MPHOSPH6: variants seen among roughly 807,000 people sequenced by gnomAD.
The protein encoded by MPHOSPH6 is M-phase phosphoprotein 6.
A neutral mutation model predicts 21.8 loss-of-function variants in MPHOSPH6; 25 were observed. The ratio of observed to expected loss-of-function variants is 1.15; its 90% confidence interval spans 0.83 to 1.60. The LOEUF (loss-of-function observed/expected upper bound fraction) is 1.60, where lower values mean the gene tolerates loss of function less well. MPHOSPH6 is among the 40% of genes most tolerant of loss of function. The probability of loss-of-function intolerance (pLI) is 0.00; values close to 1 mark genes in which losing one functional copy is unlikely to be tolerated. For missense variants in MPHOSPH6, 269 were observed against 181.8 expected, an observed-to-expected ratio of 1.48 and a Z score of -2.76; for synonymous variants, 84 against 56.5, an observed-to-expected ratio of 1.49 and a Z score of -2.18.
At position 82,159,570 on chromosome 16, in the gene MPHOSPH6, A is replaced by C. The variant is rs943236908; in HGVS notation, c.164+4512T>G. ...CAGGCACACGCCATCATGCCTGGCT[A>C]ATTTTTTTTGTATTTTTAGTAGAGA... On this transcript the variant is annotated intron_variant, in intron 2 of 4. Coordinates refer to ENST00000258169, the MANE Select transcript of MPHOSPH6 (RefSeq NM_005792.2). 2.6e-5 allele frequency among the ~76,000 whole-genome samples: 4 copies of C among 152,134 alleles called. No individual in the cohort carries two copies. The East Asian group carries it at 7.8e-4, about 29-fold the overall frequency.
intron 2 of MPHOSPH6, among the ~76,000 whole-genome samples, chr16:82,152,172 C>G (rs774095135): frequency 3.3e-5 from 5 of 152,294 alleles, no homozygotes; most frequent in African/African-American, 9.6e-5. Context: ...TTCTTGAACA[C>G]AGGTCTGAGC....
intron 2 of MPHOSPH6, among the ~76,000 whole-genome samples, chr16:82,158,087 T>A (rs1906486978): frequency 6.6e-6 from 1 of 152,158 alleles, no homozygotes; most frequent in Non-Finnish European, 1.5e-5. Flanking sequence ...AAAATGCCAG[T>A]TTCACATTAG....
intron 2 of MPHOSPH6, among the ~76,000 whole-genome samples, chr16:82,160,668 G>T (rs1906578876): frequency 6.6e-6 from 1 of 152,064 alleles, no homozygotes; most frequent in South Asian, 2.1e-4. Context: ...AAATCCACTG[G>T]GTGCACAGCA....
rs1567613220 is a variant in MPHOSPH6 at position 82,156,245 on chromosome 16, GATGT to G, written c.165-4735_165-4732del. ...AACATAAATAACTCCTACATGCACA[GATGT>G]ATGTAAGTTTTGTCTCAAAAAAACC... is the stretch of plus-strand genomic sequence containing the variant. On this transcript the variant is annotated intron_variant, in intron 2 of 4. Transcript: ENST00000258169. Among the ~76,000 whole-genome samples, 4 of 152,202 alleles carry G rather than the reference GATGT, an allele frequency of 2.6e-5. No individual in the cohort carries two copies. In the East Asian group the frequency reaches 7.7e-4, roughly 29 times the overall value.
At chr16:82,159,826 T>G (rs1417689182) in intron 2 of MPHOSPH6, among the ~76,000 whole-genome samples, 3 of 152,144 alleles carry the variant, frequency 2.0e-5, no homozygotes, top group Non-Finnish European at 4.4e-5. Context: ...CTCACTTACT[T>G]CAGAACCGCC....
At chr16:82,150,578 C>T (rs1462240238) in intron 3 of MPHOSPH6, among the ~76,000 whole-genome samples, 1 of 152,208 alleles carries the variant, frequency 6.6e-6, no homozygotes, top group Non-Finnish European at 1.5e-5. Flanking sequence ...ATGATTTTCC[C>T]CACCAGGGAA....
intron 1 of MPHOSPH6, among the ~76,000 whole-genome samples, chr16:82,166,206 G>A (rs1906774023): frequency 6.6e-6 from 1 of 152,210 alleles, no homozygotes; most frequent in African/African-American, 2.4e-5. Context: ...AACTTCCTGT[G>A]AATCTATCAC....
intron 1 of MPHOSPH6, among the ~76,000 whole-genome samples, chr16:82,167,258 C>A (rs578171881): frequency 2.8e-4 from 42 of 152,298 alleles, no homozygotes; most frequent in Non-Finnish European, 5.0e-4. Context: ...CATCCACATC[C>A]TTCTTTTTCT....
At chr16:82,151,069 C>A (rs73591424) in intron 3 of MPHOSPH6, 6,259 of 164,632 alleles carry the variant, frequency 0.038, 434 homozygotes, top group African/African-American at 0.14. Context: ...TCTAAAGTAA[C>A]ATTTTTCCGT....
intron 3 of MPHOSPH6, 84 bp downstream of exon 3, chr16:82,151,340 G>A (rs771846323): frequency 1.6e-5 from 25 of 1,550,390 alleles, no homozygotes; most frequent in Non-Finnish European, 2.1e-5. Flanking sequence ...AATGGTACCT[G>A]GTGGAGAAAC....
At chr16:82,160,008 C>T (rs796375695) in intron 2 of MPHOSPH6, among the ~76,000 whole-genome samples, 7 of 152,284 alleles carry the variant, frequency 4.6e-5, no homozygotes, top group African/African-American at 1.7e-4. Flanking sequence ...TACATCAAAG[C>T]TTTCACTTAA....
intron 2 of MPHOSPH6, among the ~76,000 whole-genome samples, chr16:82,157,628 C>T (rs934694926): frequency 4.6e-5 from 7 of 152,184 alleles, no homozygotes; most frequent in African/African-American, 9.7e-5. Context: ...GCAACCACCA[C>T]CCACACACCC....
chr16:82,163,980 C>G (rs775465813), intron 2 of MPHOSPH6, 102 bp downstream of exon 2: 8 of 726,614 alleles, frequency 1.1e-5, no homozygotes, highest in Non-Finnish European at 1.6e-5. Context: ...TGAACAGAAA[C>G]AATTTCATGG....
intron 2 of MPHOSPH6, among the ~76,000 whole-genome samples, chr16:82,158,558 TTG>T (rs1270506353): frequency 6.6e-6 from 1 of 151,754 alleles, no homozygotes; most frequent in Non-Finnish European, 1.5e-5. Flanking sequence ...CTAACTGCAC[TTG>T]TGTGACTGAA....
rs2303267 is a variant in MPHOSPH6 at position 82,151,507 on chromosome 16, T to C, written c.172A>G (p.Ile58Val). Reference sequence around the variant, plus strand: ...AGTAAGAAACTCTGCTCTTCTATTATGAAACTCCTAAATGGGAAAATAAAA... The same window carrying C: ...AGTAAGAAACTCTGCTCTTCTATTACGAAACTCCTAAATGGGAAAATAAAA... The part of the protein sequence containing the change: ...LPELKEKESF[I>V]IEEQSFLLCE... The change falls in exon 3 of 5, where the codon ATA (isoleucine) becomes GTA (valine). Residue 58 changes from isoleucine (I) to valine (V), a missense_variant. By Grantham distance (29) the Ile-to-Val change is conservative. Coordinates refer to ENST00000258169, the MANE Select transcript of MPHOSPH6 (RefSeq NM_005792.2). 0.031 allele frequency: 49,237 copies of C among 1,585,124 alleles called. 942 individuals are homozygous for C. The highest frequency in any genetic ancestry group is 0.055 in the South Asian group (4,688 of 84,780).
At chr16:82,163,801 C>T in intron 2 of MPHOSPH6, 1 of 287,476 alleles carries the variant, frequency 3.5e-6, no homozygotes, top group Non-Finnish European at 6.4e-6. Context: ...AACATTACAG[C>T]TTCCCCAAAG....
intron 1 of MPHOSPH6, chr16:82,164,586 T>G (rs1366349616): frequency 6.0e-6 from 1 of 167,486 alleles, no homozygotes; most frequent in Non-Finnish European, 1.3e-5. Context: ...ACTAGACTTC[T>G]ATGAGTGCCA....
chr16:82,159,212 T>C (rs557797733), intron 2 of MPHOSPH6, among the ~76,000 whole-genome samples: 1 of 152,350 alleles, frequency 6.6e-6, no homozygotes, highest in South Asian at 2.1e-4. Context: ...TCTTCTATTA[T>C]GCCACAATGT....
At chr16:82,166,329 A>G (rs976706143) in intron 1 of MPHOSPH6, among the ~76,000 whole-genome samples, 6 of 152,238 alleles carry the variant, frequency 3.9e-5, no homozygotes, top group Non-Finnish European at 7.3e-5. Flanking sequence ...AGTTTCTGGA[A>G]TGTGCACGCT....
Sources: allele counts gnomAD v4.1 joint callset (sites outside exome capture counted in the v4.1 genomes callset), GRCh38; gene constraint gnomAD v4.1.1; transcripts MANE v1.5; gene names NCBI Gene and HGNC (gene_info 2026-07-23, HGNC 2026-07-21).